The following RTN4RL1 variants were observed in gnomAD, a reference collection of about 807,000 sequenced individuals.
The protein encoded by RTN4RL1 is reticulon 4 receptor like 1, also known as reticulon-4 receptor-like 1.
A neutral mutation model predicts 25.6 loss-of-function variants in RTN4RL1; 7 were observed. The ratio of observed to expected loss-of-function variants is 0.27; its 90% CI spans 0.16 to 0.51. The LOEUF (loss-of-function observed/expected upper bound fraction) is 0.51, where lower values mean the gene tolerates loss of function less well. RTN4RL1 is among the 20% of genes least tolerant of loss of function. The probability of loss-of-function intolerance (pLI) is 0.97; values close to 1 mark genes in which losing one functional copy is unlikely to be tolerated. For synonymous variants in RTN4RL1, 297 were observed against 288.2 expected, an observed-to-expected ratio of 1.03 and a Z score of -0.31; for missense variants, 500 against 615.6, an observed-to-expected ratio of 0.81 and a Z score of 1.99.
chr17:2,024,858 C>A lies in RTN4RL1; in HGVS notation c.8G>T (p.Arg3Leu). ML[R>L]KGCCVELLLL... The stretch of plus-strand genomic sequence containing the variant: ...CCCCTGCGGCTCCAACTCACCTTTG[C>A]GAAGCATGTTGGCCACGGGGCCGCC... The change falls in exon 1 of 2, where the codon CGC becomes CTC. Residue 3 changes from arginine to leucine, a missense_variant. Arg to Leu is a moderately radical substitution (Grantham distance 102). Transcript: ENST00000331238. 3.8e-6 allele frequency: 6 copies of A among 1,584,964 alleles called. No homozygotes were observed. Among genetic ancestry groups the A allele is most frequent in the Non-Finnish European group, 5.1e-6 (6 of 1,166,656 alleles).
intron 1 of RTN4RL1, among the ~76,000 whole-genome samples, chr17:2,021,801 CAA>C (rs2067208632): frequency 6.6e-6 from 1 of 150,688 alleles, no homozygotes; most frequent in Admixed American, 6.6e-5. Flanking sequence ...GTGATCCTCC[CAA>C]CTCGGCCTCC....
chr17:1,999,243 G>T (rs8080567), intron 1 of RTN4RL1, among the ~76,000 whole-genome samples: 1 of 150,522 alleles, frequency 6.6e-6, no homozygotes, highest in African/African-American at 2.4e-5. Context: ...ATCAAGAGTT[G>T]GAGACCATCC....
chr17:1,982,664 G>A (rs555409405), intron 1 of RTN4RL1, among the ~76,000 whole-genome samples: 1 of 149,904 alleles, frequency 6.7e-6, no homozygotes, highest in Non-Finnish European at 1.5e-5. Context: ...CTGGGAAGGG[G>A]CAGTTCCACA....
At position 1,936,790 on chromosome 17, in the gene RTN4RL1, G is replaced by A; in HGVS notation, c.1032C>T (p.Gly344=). The part of the protein sequence containing the change: ...GPTRSKGHPH[G]PRPGHRKPGK... Reference sequence around the variant, plus strand: ...CCGGCTTCCTGTGGCCGGGCCGGGGGCCGTGCGGGTGGCCCTTGCTCCTGG... The same window carrying A: ...CCGGCTTCCTGTGGCCGGGCCGGGGACCGTGCGGGTGGCCCTTGCTCCTGG... The change falls in exon 2 of 2, where the codon GGC becomes GGT. Residue 344 remains glycine (G), a synonymous_variant. Coordinates refer to ENST00000331238, the MANE Select transcript of RTN4RL1 (RefSeq NM_178568.4). 6.3e-7 allele frequency: 1 copy of A among 1,588,606 alleles called. No homozygotes were observed. The highest frequency in any genetic ancestry group is 8.6e-7 in the Non-Finnish European group (1 of 1,169,088).
chr17:1,977,836 G>A (rs1051022891), intron 1 of RTN4RL1, among the ~76,000 whole-genome samples: 17 of 152,064 alleles, frequency 1.1e-4, no homozygotes. Flanking sequence ...GCCAACCAGC[G>A]GCCGCGGGCC....
chr17:1,978,195 C>T (rs1443067140), intron 1 of RTN4RL1, among the ~76,000 whole-genome samples: 1 of 152,220 alleles, frequency 6.6e-6, no homozygotes, highest in Non-Finnish European at 1.5e-5. Flanking sequence ...GTGCTCCTGC[C>T]GCCTCTGCTG....
Position 1,937,508 on chromosome 17 carries a change from A to C in RTN4RL1, c.314T>G (p.Leu105Arg). 6.2e-7 allele frequency: 1 copy of C among 1,613,938 alleles called. No homozygotes were observed. Among genetic ancestry groups the C allele is most frequent in the Non-Finnish European group, 8.5e-7 (1 of 1,179,876 alleles). The change falls in exon 2 of 2, where the codon CTG becomes CGG. Residue 105 changes from leucine (L) to arginine (R), a missense_variant. By Grantham distance (102) the Leu-to-Arg change is moderately radical (BLOSUM62 -2). Around this residue, in one of 2 missense-constraint regions of RTN4RL1, gnomAD observed 232 missense variants for 341.1 expected, o/e 0.68. Transcript: ENST00000331238. Reference protein sequence around the residue: ...TFEGFVHLEELDLGDNRQLRT... With the variant: ...TFEGFVHLEERDLGDNRQLRT... ...CAGCTGCCGGTTGTCGCCGAGGTCC[A>C]GCTCCTCCAGGTGCACGAAGCCCTC...
chr17:1,973,705 G>A (rs1272444888), intron 1 of RTN4RL1, among the ~76,000 whole-genome samples: 1 of 152,008 alleles, frequency 6.6e-6, no homozygotes, highest in Admixed American at 6.6e-5. Context: ...ATGTTAGCTT[G>A]AGGGACAAGG....
chr17:1,941,784 C>T (rs1344725263), intron 1 of RTN4RL1, among the ~76,000 whole-genome samples: 2 of 152,156 alleles, frequency 1.3e-5, no homozygotes, highest in Non-Finnish European at 2.9e-5. Context: ...AAGACCTGGA[C>T]CAGCTGTCCC....
At chr17:2,007,894 C>T (rs2067011476) in intron 1 of RTN4RL1, among the ~76,000 whole-genome samples, 1 of 151,496 alleles carries the variant, frequency 6.6e-6, no homozygotes, top group African/African-American at 2.4e-5. Context: ...TGCAGTGAGC[C>T]GAGATTGCGC....
Position 1,936,831 on chromosome 17 carries a change from A to G in RTN4RL1, c.991T>C (p.Ser331Pro), listed in dbSNP as rs375350984. ...TTGCTCCTGGTGGGGCCGTGGGGTG[A>G]GTGGTGTTCCTTGCGGGCGGCCCTG... ...TDRAARKEHHSPHGPTRSKGH... is the reference protein window; with the variant it reads ...TDRAARKEHHPPHGPTRSKGH... Residue 331 changes from serine to proline, a missense_variant, in exon 2 of 2, where the codon TCA becomes CCA. By Grantham distance (74) the Ser-to-Pro change is moderately conservative. Around this residue, in one of 2 missense-constraint regions of RTN4RL1, gnomAD observed 268 missense variants for 274.5 expected, o/e 0.98. Coordinates refer to ENST00000331238, the MANE Select transcript of RTN4RL1 (RefSeq NM_178568.4). The G allele has an allele frequency of 6.3e-7, 1 of 1,580,204 alleles. No individual in the cohort carries two copies. The highest frequency in any genetic ancestry group is 8.6e-7 in the Non-Finnish European group (1 of 1,164,586).
At chr17:1,964,389 A>G (rs1054283911) in intron 1 of RTN4RL1, among the ~76,000 whole-genome samples, 1 of 152,126 alleles carries the variant, frequency 6.6e-6, no homozygotes, top group Non-Finnish European at 1.5e-5. Context: ...GGAGTTCGAG[A>G]CCAGCCTGGG....
chr17:1,975,360 C>T (rs981013041), intron 1 of RTN4RL1, among the ~76,000 whole-genome samples: 4 of 152,070 alleles, frequency 2.6e-5, no homozygotes, highest in Admixed American at 2.6e-4. Flanking sequence ...CAGCAGAAAA[C>T]TTTGGGGGGA....
At chr17:2,014,917 G>A (rs1430663318) in intron 1 of RTN4RL1, among the ~76,000 whole-genome samples, 1 of 152,140 alleles carries the variant, frequency 6.6e-6, no homozygotes. Flanking sequence ...GCAGTGGGGA[G>A]AAAGAAGGCC....
chr17:1,959,878 A>G (rs1915861883), intron 1 of RTN4RL1, among the ~76,000 whole-genome samples: 1 of 152,096 alleles, frequency 6.6e-6, no homozygotes, highest in South Asian at 2.1e-4. Context: ...CAGGTTTTAA[A>G]TACCATCTTC....
chr17:1,980,159 G>T (rs2066861130), intron 1 of RTN4RL1, among the ~76,000 whole-genome samples: 1 of 148,468 alleles, frequency 6.7e-6, no homozygotes, highest in African/African-American at 2.6e-5. Flanking sequence ...GACCTCCCAG[G>T]CTCAGGTGAT....
chr17:1,981,152 G>T (rs1320969868), intron 1 of RTN4RL1, among the ~76,000 whole-genome samples: 1 of 152,044 alleles, frequency 6.6e-6, no homozygotes, highest in Non-Finnish European at 1.5e-5. Flanking sequence ...GGGAGGCTGA[G>T]GAGGGAGGAT....
At chr17:1,959,722 G>A (rs1323949033) in intron 1 of RTN4RL1, among the ~76,000 whole-genome samples, 1 of 151,974 alleles carries the variant, frequency 6.6e-6, no homozygotes. Flanking sequence ...CCGCCACCAC[G>A]CCCAGCTAAT....
At chr17:2,005,319 A>G (rs144670512) in intron 1 of RTN4RL1, among the ~76,000 whole-genome samples, 4 of 152,260 alleles carry the variant, frequency 2.6e-5, no homozygotes, top group Non-Finnish European at 4.4e-5. Flanking sequence ...CAAGAGCTTT[A>G]TAAGCATTGT....
Sources: gnomAD v4.1 joint callset for allele counts (sites outside exome capture counted in the v4.1 genomes callset) on GRCh38, gnomAD v4.1.1 for gene constraint, gnomAD v4.1.1 regional missense constraint, MANE v1.5 for transcripts, NCBI Gene and HGNC (gene_info 2026-07-23, HGNC 2026-07-21) for gene names.